The following KDM5A variants were observed in gnomAD, a reference collection of about 807,000 sequenced individuals.
KDM5A encodes lysine-specific demethylase 5A.
Under a neutral mutation model 193.5 loss-of-function variants are expected in KDM5A, and 42 were observed. The ratio of observed to expected loss-of-function variants is 0.22; its 90% CI spans 0.17 to 0.28. The LOEUF is 0.28. KDM5A is among the 10% of genes least tolerant of loss of function. KDM5A has a pLI of 1.00. For missense variants in KDM5A, 1,692 were observed against 2,055.1 expected, an observed-to-expected ratio of 0.82 and a Z score of 3.42; for synonymous variants, 796 against 718.1, an observed-to-expected ratio of 1.11 and a Z score of -1.73.
At chr12:294,627 A>T (rs1943346226) in intron 26 of KDM5A, among the ~76,000 whole-genome samples, 1 of 152,240 alleles carries the variant, frequency 6.6e-6, no homozygotes, top group Non-Finnish European at 1.5e-5. Context: ...AACAAACTAT[A>T]GCATATGCTA....
intron 14 of KDM5A, among the ~76,000 whole-genome samples, chr12:327,122 A>G (rs1174447062): frequency 6.6e-6 from 1 of 152,204 alleles, no homozygotes; most frequent in Non-Finnish European, 1.5e-5. Flanking sequence ...AGTAACTGGA[A>G]CAAGGGCATA....
chr12:371,631 TG>T (rs1405054170), intron 3 of KDM5A, among the ~76,000 whole-genome samples: 3 of 152,250 alleles, frequency 2.0e-5, no homozygotes, highest in African/African-American at 7.2e-5. Flanking sequence ...TTGTCTATTT[TG>T]GCTTTTGTTG....
chr12:333,160 T>C (rs959417966), intron 12 of KDM5A: 6 of 374,656 alleles, frequency 1.6e-5, no homozygotes, highest in South Asian at 5.0e-5. Context: ...GGCTCACACC[T>C]GTAATCCCAA....
Position 321,030 on chromosome 12 carries a change from G to A in KDM5A, c.2506C>T (p.Leu836Phe). The A allele has an allele frequency of 6.2e-7, 1 of 1,614,060 alleles. No homozygotes were observed. The highest frequency in any genetic ancestry group is 8.5e-7 in the Non-Finnish European group (1 of 1,179,912). The change falls in exon 18 of 28, where the codon CTT (leucine) becomes TTT (phenylalanine). Residue 836 changes from leucine to phenylalanine, a missense_variant. Physicochemically the swap from Leu to Phe is conservative, Grantham distance 22 (BLOSUM62 0). This residue lies in a region of KDM5A where 965 missense variants were observed against 1,061.0 expected (regional missense o/e 0.91). Coordinates refer to ENST00000399788, the MANE Select transcript of KDM5A (RefSeq NM_001042603.3). ...CGAGCTTGGCTGATGACACACGGAA[G>A]ACTAAAAAGTTGTTGGACAAAGGCC... ...LKAFVQQLFS[L>F]PCVISQARQV...
chr12:330,985 T>C (rs1269014855), intron 13 of KDM5A, among the ~76,000 whole-genome samples: 1 of 152,158 alleles, frequency 6.6e-6, no homozygotes, highest in Non-Finnish European at 1.5e-5. Context: ...TTTGATTATC[T>C]ACTTCATACA....
intron 10 of KDM5A, among the ~76,000 whole-genome samples, chr12:341,275 AC>A (rs1475826120): frequency 8.5e-5 from 13 of 152,210 alleles, no homozygotes; most frequent in African/African-American, 3.1e-4. Context: ...AGATACTTAT[AC>A]AAACAGGTTT....
chr12:321,936 G>A (rs1278318493), intron 17 of KDM5A, among the ~76,000 whole-genome samples: 25 of 152,112 alleles, frequency 1.6e-4, no homozygotes, highest in Admixed American at 1.6e-3. Context: ...AGTAGGGGAT[G>A]GGGGAGAAAA....
intron 3 of KDM5A, among the ~76,000 whole-genome samples, chr12:375,715 CT>C (rs1163657911): frequency 1.3e-5 from 2 of 152,194 alleles, no homozygotes; most frequent in African/African-American, 4.8e-5. Flanking sequence ...GTGGTTTTAT[CT>C]ATCTTTGGTC....
intron 3 of KDM5A, among the ~76,000 whole-genome samples, chr12:371,654 G>C (rs1320811892): frequency 6.6e-6 from 1 of 152,078 alleles, no homozygotes; most frequent in Non-Finnish European, 1.5e-5. Context: ...CATTGCTTTT[G>C]GTGTTTTAGA....
At position 281,114 on chromosome 12, in the gene KDM5A, T is replaced by A. The variant is rs939873528; in HGVS notation, c.*4342A>T. The A allele has an allele frequency of 6.9e-5, 16 of 233,088 alleles. No individual in the cohort carries two copies. The highest frequency in any genetic ancestry group is 3.4e-4 in the Admixed American group (6 of 17,786). 14.4% of individuals were successfully genotyped at this position (233,088 alleles called of 1,614,324 possible). On this transcript the variant is annotated 3_prime_UTR_variant, in exon 28 of 28. Coordinates refer to ENST00000399788, the MANE Select transcript of KDM5A (RefSeq NM_001042603.3). ...GAACCTGAGCATACACACAATTTTTTAAATCTTTTAGATGTAATGCAATTA... is the reference window on the plus strand; with the variant it reads ...GAACCTGAGCATACACACAATTTTTAAAATCTTTTAGATGTAATGCAATTA...
Position 311,091 on chromosome 12 carries a change from A to G in KDM5A, c.3037-27T>C, listed in dbSNP as rs1027683834. On this transcript the variant is annotated intron_variant, in intron 20 of 27. Transcript: ENST00000399788. The stretch of plus-strand genomic sequence containing the variant: ...TGAAAAACCAAAGTAGATTCTCACA[A>G]TTTGAGTTCTCTTATGGGGTTTGGC... 4 of 1,612,448 alleles carry G rather than the reference A, an allele frequency of 2.5e-6. No homozygotes were observed. The African/African-American group carries it at 4.0e-5, about 16-fold the overall frequency.
intron 27 of KDM5A, 44 bp downstream of exon 27, chr12:292,715 G>C: frequency 6.2e-7 from 1 of 1,613,274 alleles, no homozygotes. Flanking sequence ...CACAACTGTT[G>C]CTCCTTGACC....
chr12:314,033 A>G (rs1943621137), intron 19 of KDM5A, among the ~76,000 whole-genome samples: 2 of 152,084 alleles, frequency 1.3e-5, no homozygotes, highest in Non-Finnish European at 1.5e-5. Flanking sequence ...GGAATCTGGC[A>G]GGAAGAAAGA....
At chr12:344,602 G>C (rs1325600473) in intron 10 of KDM5A, among the ~76,000 whole-genome samples, 1 of 152,108 alleles carries the variant, frequency 6.6e-6, no homozygotes, top group African/African-American at 2.4e-5. Flanking sequence ...AGAGAGTGGG[G>C]GCCAATATTC....
intron 3 of KDM5A, among the ~76,000 whole-genome samples, chr12:374,305 T>C (rs1944471630): frequency 6.6e-6 from 1 of 152,224 alleles, no homozygotes; most frequent in African/African-American, 2.4e-5. Context: ...TTAGCTCTTC[T>C]TGTTGCATTG....
chr12:297,983 AT>A (rs1360398628), intron 24 of KDM5A, among the ~76,000 whole-genome samples: 6 of 152,254 alleles, frequency 3.9e-5, no homozygotes, highest in Admixed American at 1.3e-4. Context: ...AAAAATTACT[AT>A]TGCTCTCTAG....
In KDM5A at chr12:283,844, C is replaced by T. The variant is rs1943184014; in HGVS notation, c.*1612G>A. ...TTTGTCCTTTAAAAAAAAATTAGTC[C>T]CCTTCTAATAAGAGTTTACATACAG... On this transcript the variant is annotated 3_prime_UTR_variant, in exon 28 of 28. Transcript: ENST00000399788. The T allele has an allele frequency of 4.3e-6, 1 of 232,656 alleles. No homozygotes were observed. Among genetic ancestry groups the T allele is most frequent in the South Asian group, 1.8e-4 (1 of 5,504 alleles). The allele number at this position is 232,656 out of a possible 1,614,324, so 14.4% of individuals were successfully genotyped here.
intron 1 of KDM5A, chr12:388,343 C>T (rs1389138245): frequency 6.6e-6 from 3 of 454,710 alleles, no homozygotes; most frequent in Admixed American, 2.4e-5. Context: ...TTCAACATTT[C>T]CTTCCACCTC....
intron 18 of KDM5A, among the ~76,000 whole-genome samples, chr12:319,584 T>C (rs1342394357): frequency 6.6e-6 from 1 of 151,946 alleles, no homozygotes; most frequent in Non-Finnish European, 1.5e-5. Context: ...AAAACTCGTC[T>C]CTACAAAACA....
Sources: allele counts gnomAD v4.1 joint callset (sites outside exome capture counted in the v4.1 genomes callset), GRCh38; gene constraint gnomAD v4.1.1; regional missense constraint gnomAD v4.1.1; transcripts MANE v1.5; gene names NCBI Gene and HGNC (gene_info 2026-07-23, HGNC 2026-07-21).